The following DPYS variants were observed in gnomAD, a reference collection of about 807,000 sequenced individuals.
DPYS encodes the protein dihydropyrimidine amidohydrolase.
Under a neutral mutation model 50.3 loss-of-function variants are expected in DPYS, and 39 were observed. The ratio of observed to expected loss-of-function variants is 0.78; its 90% CI spans 0.60 to 1.01. The LOEUF (loss-of-function observed/expected upper bound fraction) is 1.01. Ranked by LOEUF, DPYS falls within the 50% of genes least tolerant of loss-of-function variation. The probability of loss-of-function intolerance (pLI) is 0.00; values close to 1 mark genes in which losing one functional copy is unlikely to be tolerated. For synonymous variants in DPYS, 245 were observed against 250.7 expected (o/e 0.98, Z 0.22); for missense variants, 659 against 680.9 (o/e 0.97, Z 0.36).
intron 1 of DPYS, among the ~76,000 whole-genome samples, chr8:104,463,400 G>A (rs1019423999): frequency 1.3e-5 from 2 of 152,102 alleles, no homozygotes; most frequent in Admixed American, 6.5e-5. Context: ...AAGATGCCTC[G>A]CATTAAAATG....
intron 7 of DPYS, chr8:104,420,517 T>G (rs1003367109): frequency 2.0e-5 from 3 of 152,118 alleles, no homozygotes; most frequent in Non-Finnish European, 4.4e-5. Context: ...CTCTCCTTTT[T>G]CCCACATTCT....
rs1426752251 is a variant in DPYS at position 104,466,731 on chromosome 8, T to C, written c.190A>G (p.Ile64Val). The C allele has an allele frequency of 6.5e-7, 1 of 1,535,990 alleles. No homozygotes were observed. The highest frequency in any genetic ancestry group is 2.0e-5 in the Admixed American group (1 of 50,836). ...AAGKLVLPGG[I>V]DTHTHMQFPF... ...AACTGCATGTGCGTGTGTGTGTCGA[T>C]GCCTCCGGGCAGGACGAGCTTGCCG... The change falls in exon 1 of 10, where the codon ATC (isoleucine) becomes GTC (valine). Residue 64 changes from isoleucine to valine, a missense_variant. By Grantham distance (29) the Ile-to-Val change is conservative. Coordinates refer to ENST00000351513, the MANE Select transcript of DPYS (RefSeq NM_001385.3).
At chr8:104,424,514 T>TC in intron 6 of DPYS, 125 bp from the exon 7 acceptor site, 5 of 994,698 alleles carry the variant, frequency 5.0e-6, no homozygotes, top group South Asian at 1.5e-5. Context: ...TTGTAGAGCA[T>TC]CTGAGGATGC....
chr8:104,428,301 G>A (rs2140640866), intron 5 of DPYS, among the ~76,000 whole-genome samples, 180 bp from the exon 6 acceptor site: 1 of 152,306 alleles, frequency 6.6e-6, no homozygotes, highest in Non-Finnish European at 1.5e-5. Context: ...ATTCTAGGAA[G>A]CACTTTCAGA....
In DPYS at chr8:104,429,621, C is replaced by T; in HGVS notation, c.874G>A (p.Ala292Thr). ...GGTGGACCCATGACATGGTGGGCTG[C>T]ATGGTGCCATTCTTTATTCCAGTAG... ...THYWNKEWHH[A>T]AHHVMGPPLR... Residue 292 changes from alanine to threonine, a missense_variant, in exon 5 of 10, where the codon GCA becomes ACA. Ala to Thr is a moderately conservative substitution (Grantham distance 58). Coordinates refer to ENST00000351513, the MANE Select transcript of DPYS (RefSeq NM_001385.3). The T allele has an allele frequency of 6.2e-7, 1 of 1,614,188 alleles. No homozygotes were observed. The highest frequency in any genetic ancestry group is 2.2e-5 in the East Asian group (1 of 44,876).
chr8:104,399,061 C>T (rs1408246618), intron 7 of DPYS, among the ~76,000 whole-genome samples: 9 of 151,816 alleles, frequency 5.9e-5, no homozygotes, highest in South Asian at 2.1e-4. Context: ...GAAGCTGAGG[C>T]GGGCAGATCA....
chr8:104,410,593 T>C (rs1812141160), intron 7 of DPYS, among the ~76,000 whole-genome samples: 1 of 151,988 alleles, frequency 6.6e-6, no homozygotes, highest in Non-Finnish European at 1.5e-5. Context: ...AAGCCCCTTC[T>C]CTTTACAGCC....
At chr8:104,446,818 C>T (rs759357674) in intron 3 of DPYS, among the ~76,000 whole-genome samples, 3 of 152,140 alleles carry the variant, frequency 2.0e-5, no homozygotes, top group Admixed American at 6.5e-5. Context: ...AATAATGGGA[C>T]TAACATGAGA....
chr8:104,408,607 C>T (rs1232416641), intron 7 of DPYS, among the ~76,000 whole-genome samples: 5 of 152,156 alleles, frequency 3.3e-5, no homozygotes, highest in Middle Eastern at 3.4e-3. Flanking sequence ...AACGGAAAAA[C>T]AAGAAATTTG....
intron 7 of DPYS, chr8:104,420,811 G>C (rs947468922): frequency 1.3e-5 from 2 of 151,748 alleles, no homozygotes; most frequent in Non-Finnish European, 2.9e-5. Flanking sequence ...TCTGCCTTCT[G>C]ATCACCACAG....
chr8:104,413,851 G>A (rs1812275638), intron 7 of DPYS, among the ~76,000 whole-genome samples: 1 of 152,116 alleles, frequency 6.6e-6, no homozygotes, highest in African/African-American at 2.4e-5. Context: ...TCTAGTTCTG[G>A]GACTCACATG....
chr8:104,445,816 T>C (rs1432502786), intron 3 of DPYS, among the ~76,000 whole-genome samples: 2 of 151,934 alleles, frequency 1.3e-5, no homozygotes, highest in African/African-American at 4.8e-5. Flanking sequence ...GAGGCTGAGG[T>C]GGGCAGATCA....
At chr8:104,412,878 T>TG (rs1265396705) in intron 7 of DPYS, among the ~76,000 whole-genome samples, 2 of 152,334 alleles carry the variant, frequency 1.3e-5, no homozygotes, top group Admixed American at 6.5e-5. Flanking sequence ...CTACTATGTC[T>TG]CTGGCACATG....
At position 104,429,644 on chromosome 8, in the gene DPYS, T is replaced by C. The variant is rs1444024853; in HGVS notation, c.851A>G (p.Tyr284Cys). The change falls in exon 5 of 10, where the codon TAC (tyrosine) becomes TGC (cysteine). Residue 284 changes from tyrosine (Y) to cysteine (C), a missense_variant. Coordinates refer to ENST00000351513, the MANE Select transcript of DPYS (RefSeq NM_001385.3). ...AASLGTDGTH[Y>C]WNKEWHHAAH... The stretch of plus-strand genomic sequence containing the variant: ...TGCATGGTGCCATTCTTTATTCCAG[T>C]AGTGAGTGCCATCTGTGCCAAGACT... The C allele has an allele frequency of 3.1e-6, 5 of 1,614,024 alleles. No individual in the cohort carries two copies. The highest frequency in any genetic ancestry group is 3.4e-6 in the Non-Finnish European group (4 of 1,180,022).
intron 7 of DPYS, among the ~76,000 whole-genome samples, chr8:104,406,616 G>A (rs1812004703): frequency 6.6e-6 from 1 of 152,066 alleles, no homozygotes; most frequent in Admixed American, 6.5e-5. Context: ...TCATGGTTGG[G>A]GTTCGACCTG....
At chr8:104,461,256 C>CAT (rs1814151838) in intron 1 of DPYS, among the ~76,000 whole-genome samples, 1 of 149,914 alleles carries the variant, frequency 6.7e-6, no homozygotes, top group South Asian at 2.1e-4. Flanking sequence ...TGCACCACTG[C>CAT]ATTCCAGCCC....
At chr8:104,461,342 T>TAAC (rs1306520061) in intron 1 of DPYS, among the ~76,000 whole-genome samples, 1 of 70,878 alleles carries the variant, frequency 1.4e-5, no homozygotes, top group Non-Finnish European at 3.6e-5. Context: ...AATAAAATAA[T>TAAC]GTCATTATCC....
At chr8:104,433,773 A>G (rs1233335034) in intron 4 of DPYS, among the ~76,000 whole-genome samples, 8 of 152,148 alleles carry the variant, frequency 5.3e-5, no homozygotes, top group African/African-American at 1.7e-4. Context: ...CTTGTTCAAC[A>G]TTGCCAAGCA....
At chr8:104,392,750 G>T in intron 8 of DPYS, 34 bp downstream of exon 8, 1 of 1,611,698 alleles carries the variant, frequency 6.2e-7, no homozygotes, top group South Asian at 1.1e-5. Flanking sequence ...GAGACAGTCC[G>T]ACTTGTGGCA....
Sources: gnomAD v4.1 joint callset for allele counts (sites outside exome capture counted in the v4.1 genomes callset) on GRCh38, gnomAD v4.1.1 for gene constraint, MANE v1.5 for transcripts, NCBI Gene and HGNC (gene_info 2026-07-23, HGNC 2026-07-21) for gene names.